Variants in ST8SIA4 observed in about 807,000 individuals in gnomAD.
ST8SIA4 encodes ST8 alpha-N-acetyl-neuraminide alpha-2,8-sialyltransferase 4.
In ST8SIA4, 15 loss-of-function variants were observed where a neutral mutation model predicts 33.9. The observed-to-expected ratio is 0.44, with a 90% confidence interval of 0.30 to 0.68. The LOEUF is 0.68. ST8SIA4 is among the 30% of genes least tolerant of loss of function. The pLI is 0.10. For missense variants in ST8SIA4, 321 were observed against 428.0 expected (o/e 0.75, Z 2.21); for synonymous variants, 171 against 151.2 (o/e 1.13, Z -0.96).
chr5:100,816,569 G>T (rs764805207), intron 4 of ST8SIA4: 4 of 507,264 alleles, frequency 7.9e-6, no homozygotes, highest in East Asian at 5.7e-5. Flanking sequence ...ACCTAATAAT[G>T]ATAGTTTTTT....
intron 4 of ST8SIA4, among the ~76,000 whole-genome samples, chr5:100,848,356 T>G (rs1214437327): frequency 6.6e-6 from 1 of 150,656 alleles, no homozygotes; most frequent in Non-Finnish European, 1.5e-5. Context: ...AGTATACTAT[T>G]ACATATTATA....
intron 3 of ST8SIA4, among the ~76,000 whole-genome samples, chr5:100,876,986 A>G (rs747854268): frequency 1.3e-5 from 2 of 152,076 alleles, no homozygotes; most frequent in Non-Finnish European, 2.9e-5. Flanking sequence ...AGCCACTAAG[A>G]GAGTACCTTG....
At chr5:100,815,158 A>G (rs938755935) in intron 4 of ST8SIA4, among the ~76,000 whole-genome samples, 2 of 151,258 alleles carry the variant, frequency 1.3e-5, no homozygotes, top group African/African-American at 4.9e-5. Flanking sequence ...ATTTCTTTCT[A>G]TGTAAATTGA....
chr5:100,828,019 C>A (rs1259310279), intron 4 of ST8SIA4, among the ~76,000 whole-genome samples: 1 of 152,162 alleles, frequency 6.6e-6, no homozygotes, highest in South Asian at 2.1e-4. Flanking sequence ...TATGCATATA[C>A]AGAATGTATA....
chr5:100,882,053 A>G (rs531972271), intron 3 of ST8SIA4, among the ~76,000 whole-genome samples: 3 of 152,314 alleles, frequency 2.0e-5, no homozygotes, highest in Admixed American at 2.0e-4. Context: ...AAAATGTGAA[A>G]GCGACTTTGG....
chr5:100,835,548 C>T (rs1751348697), intron 4 of ST8SIA4, among the ~76,000 whole-genome samples: 1 of 152,118 alleles, frequency 6.6e-6, no homozygotes. Flanking sequence ...AGGTTCTCCA[C>T]TAATTCGTAT....
At chr5:100,885,735 CACA>C in intron 3 of ST8SIA4, 3 of 941,026 alleles carry the variant, frequency 3.2e-6, no homozygotes, top group Non-Finnish European at 3.8e-6. Context: ...TAATCAAACA[CACA>C]ATTCATCAAA....
chr5:100,855,947 C>A (rs1236338137), intron 4 of ST8SIA4, among the ~76,000 whole-genome samples, 156 bp downstream of exon 4: 2 of 152,152 alleles, frequency 1.3e-5, no homozygotes, highest in African/African-American at 2.4e-5. Context: ...CGTACATAAA[C>A]AAACTTCAAG....
chr5:100,900,144 T>A (rs2112487953), intron 1 of ST8SIA4, among the ~76,000 whole-genome samples: 1 of 152,058 alleles, frequency 6.6e-6, no homozygotes, highest in Admixed American at 6.5e-5. Flanking sequence ...GGGGGAAGGG[T>A]CGAAGGGATA....
At chr5:100,886,716 A>C in intron 2 of ST8SIA4, 116 bp from the exon 3 acceptor site, 3 of 802,108 alleles carry the variant, frequency 3.7e-6, no homozygotes, top group Non-Finnish European at 5.9e-6. Flanking sequence ...TTAATCTTAG[A>C]TTACCAAATT....
intron 3 of ST8SIA4, among the ~76,000 whole-genome samples, chr5:100,859,219 CAAT>C (rs2112443504): frequency 6.6e-6 from 1 of 152,168 alleles, no homozygotes; most frequent in Admixed American, 6.5e-5. Context: ...TTTGCCATCA[CAAT>C]TTTCATTTTT....
intron 2 of ST8SIA4, among the ~76,000 whole-genome samples, chr5:100,892,493 T>C (rs1170783952): frequency 6.6e-6 from 1 of 152,070 alleles, no homozygotes; most frequent in Non-Finnish European, 1.5e-5. Context: ...AGTTGTTTGA[T>C]GAATACATAT....
At chr5:100,885,301 G>T in intron 3 of ST8SIA4, 1 of 901,828 alleles carries the variant, frequency 1.1e-6, no homozygotes, top group Non-Finnish European at 1.3e-6. Context: ...AGAGAGAAAA[G>T]GAAAGATAAT....
intron 3 of ST8SIA4, among the ~76,000 whole-genome samples, chr5:100,876,536 G>A (rs1321201972): frequency 6.6e-6 from 1 of 151,954 alleles, no homozygotes; most frequent in African/African-American, 2.4e-5. Context: ...CTTTAACCTA[G>A]CCAATGACTG....
intron 4 of ST8SIA4, among the ~76,000 whole-genome samples, chr5:100,813,326 C>T (rs1750851207): frequency 6.6e-6 from 1 of 151,962 alleles, no homozygotes; most frequent in African/African-American, 2.4e-5. Flanking sequence ...CATCATAATT[C>T]TATATTTTGT....
chr5:100,833,882 A>G (rs1751310537), intron 4 of ST8SIA4, among the ~76,000 whole-genome samples: 1 of 152,182 alleles, frequency 6.6e-6, no homozygotes, highest in Non-Finnish European at 1.5e-5. Context: ...ATCGTACGGT[A>G]CTATAATTTC....
At chr5:100,876,507 C>T (rs553698904) in intron 3 of ST8SIA4, among the ~76,000 whole-genome samples, 6 of 152,144 alleles carry the variant, frequency 3.9e-5, no homozygotes, top group South Asian at 2.1e-4. Context: ...AGGGTACTGC[C>T]GGACAAGAAG....
intron 3 of ST8SIA4, among the ~76,000 whole-genome samples, chr5:100,881,434 G>T (rs1752420376): frequency 1.3e-5 from 2 of 152,112 alleles, no homozygotes; most frequent in African/African-American, 4.8e-5. Context: ...TGTTAACTAT[G>T]TCAACATTAT....
intron 4 of ST8SIA4, among the ~76,000 whole-genome samples, chr5:100,823,920 A>G (rs1258463869): frequency 6.6e-6 from 1 of 152,256 alleles, no homozygotes; most frequent in African/African-American, 2.4e-5. Flanking sequence ...GACAGTTTGA[A>G]TAAGAATATA....
Sources: allele counts gnomAD v4.1 joint callset (sites outside exome capture counted in the v4.1 genomes callset), GRCh38; gene constraint gnomAD v4.1.1; transcripts MANE v1.5; gene names NCBI Gene and HGNC (gene_info 2026-07-23, HGNC 2026-07-21).